Variants in CYP4F12 observed in about 807,000 individuals in gnomAD.
CYP4F12 encodes cytochrome P450 4F12.
Under a neutral mutation model 56.5 loss-of-function variants are expected in CYP4F12, and 60 were observed. The observed-to-expected ratio is 1.06, with a 90% CI of 0.86 to 1.32. The LOEUF (loss-of-function observed/expected upper bound fraction) is 1.32. CYP4F12 is among the 40% of genes most tolerant of loss of function. CYP4F12 has a pLI of 0.00. For synonymous variants in CYP4F12, 263 were observed against 264.9 expected, an observed-to-expected ratio of 0.99 and a Z score of 0.07; for missense variants, 711 against 683.5, an observed-to-expected ratio of 1.04 and a Z score of -0.45.
intron 9 of CYP4F12, among the ~76,000 whole-genome samples, chr19:15,687,985 G>A (rs916464985): frequency 3.3e-5 from 5 of 152,182 alleles, no homozygotes; most frequent in Non-Finnish European, 7.4e-5. Flanking sequence ...CAGAACCCGG[G>A]AGGCAAGCAG....
intron 3 of CYP4F12, 74 bp downstream of exon 3, chr19:15,678,479 CCTT>C: frequency 1.3e-6 from 2 of 1,570,246 alleles, no homozygotes; most frequent in South Asian, 2.3e-5. Flanking sequence ...CCACGTCCCT[CCTT>C]GAGTACTCGT....
intron 6 of CYP4F12, among the ~76,000 whole-genome samples, chr19:15,682,854 T>C (rs2007379721): frequency 6.6e-6 from 1 of 152,186 alleles, no homozygotes. Flanking sequence ...ATGGATGTGA[T>C]AAGAGCTGAG....
At chr19:15,691,583 T>G (rs1010138532) in intron 9 of CYP4F12, among the ~76,000 whole-genome samples, 2 of 152,216 alleles carry the variant, frequency 1.3e-5, no homozygotes, top group Non-Finnish European at 2.9e-5. Flanking sequence ...TTTGCCCAAG[T>G]TGATAAGCCA....
rs1417471773 is a variant in CYP4F12, at chr19:15,690,216, A to T, written c.1115+5019A>T. Among the ~76,000 whole-genome samples, 9 of 152,176 alleles carry T rather than the reference A, an allele frequency of 5.9e-5. 1 individual carries two copies. The East Asian group carries it at 1.7e-3, about 29-fold the overall frequency. On this transcript the variant is annotated intron_variant, in intron 9 of 12. Transcript: ENST00000550308. ...TAGTTCGTTTTTATTTTTAATTGGC[A>T]AATTTTAATTATATATGTTTATGGG...
rs1335580019 is a variant in CYP4F12 at position 15,675,170 on chromosome 19, C to T, written c.198+1443C>T. 5.4e-5 allele frequency among the ~76,000 whole-genome samples: 8 copies of T among 148,146 alleles called. 1 individual carries two copies. In the East Asian group the frequency reaches 1.6e-3, roughly 30 times the overall value. On this transcript the variant is annotated intron_variant, in intron 2 of 12. Coordinates refer to ENST00000550308, the MANE Select transcript of CYP4F12 (RefSeq NM_023944.4). ...CAACCTGGATATAATTTGGCCACTCCCTTCCCCTTTCAGAAGCCGTCCTTG... is the reference window on the plus strand; with the variant it reads ...CAACCTGGATATAATTTGGCCACTCTCTTCCCCTTTCAGAAGCCGTCCTTG...
At chr19:15,684,435 C>T (rs2007489075) in intron 7 of CYP4F12, 1 of 195,446 alleles carries the variant, frequency 5.1e-6, no homozygotes, top group Non-Finnish European at 1.0e-5. Flanking sequence ...TCTAGAATGT[C>T]AGCAAATATT....
At chr19:15,695,274 G>A (rs2008067096) in intron 9 of CYP4F12, among the ~76,000 whole-genome samples, 2 of 145,852 alleles carry the variant, frequency 1.4e-5, no homozygotes, top group Non-Finnish European at 3.0e-5. Context: ...AACACCGCAT[G>A]TTCTCACTCA....
chr19:15,673,785 C>G, intron 2 of CYP4F12, 58 bp downstream of exon 2: 2 of 1,589,344 alleles, frequency 1.3e-6, no homozygotes, highest in South Asian at 1.1e-5. Flanking sequence ...TCCAGAGGAG[C>G]AGGAATGGGG....
In CYP4F12 at chr19:15,680,400, A is replaced by C. The variant is rs138713818; in HGVS notation, c.406A>C (p.Ile136Leu). 4.4e-3 allele frequency: 7,037 copies of C among 1,613,120 alleles called. 41 individuals carry two copies. The African/African-American group carries it at 0.083, about 19-fold the overall frequency. Residue 136 changes from isoleucine to leucine, a missense_variant, in exon 5 of 13, where the codon ATA becomes CTA. By Grantham distance (5) the Ile-to-Leu change is conservative. Transcript: ENST00000550308. ...RFLKPWLGEGILLSGGDKWSR... is the reference protein window; with the variant it reads ...RFLKPWLGEGLLLSGGDKWSR... ...CTTGGCTGCCCTACTAGGAGAAGGG[A>C]TACTGCTGAGTGGCGGTGACAAGTG...
Position 15,697,086 on chromosome 19 carries a change from C to G in CYP4F12, c.*1C>G. 3 of 1,608,246 alleles carry G rather than the reference C, an allele frequency of 1.9e-6. No homozygotes were observed. The highest frequency in any genetic ancestry group is 2.6e-6 in the Non-Finnish European group (3 of 1,175,426). On this transcript the variant is annotated 3_prime_UTR_variant, in exon 13 of 13. Coordinates refer to ENST00000550308, the MANE Select transcript of CYP4F12 (RefSeq NM_023944.4). ...GCCCCTGAATGTAAGCTTGCAGTGACTTTCTGACCCATCCACCTGTTTTTT... is the reference window on the plus strand; with the variant it reads ...GCCCCTGAATGTAAGCTTGCAGTGAGTTTCTGACCCATCCACCTGTTTTTT...
At chr19:15,694,128 C>A (rs1245627268) in intron 9 of CYP4F12, among the ~76,000 whole-genome samples, 1 of 151,544 alleles carries the variant, frequency 6.6e-6, no homozygotes, top group Non-Finnish European at 1.5e-5. Flanking sequence ...AGCATGATGC[C>A]TCCAGCTTTG....
intron 9 of CYP4F12, among the ~76,000 whole-genome samples, chr19:15,691,380 CA>C: frequency 6.6e-6 from 1 of 152,316 alleles, no homozygotes; most frequent in South Asian, 2.1e-4. Context: ...ATTGTTGAAC[CA>C]AAGACCATTT....
chr19:15,685,831 G>C (rs1265018803), intron 9 of CYP4F12, among the ~76,000 whole-genome samples: 2 of 152,232 alleles, frequency 1.3e-5, no homozygotes, highest in African/African-American at 4.8e-5. Flanking sequence ...TTACTCTTCT[G>C]TTCCCTAATT....
At chr19:15,678,689 G>C (rs597616) in intron 3 of CYP4F12, 3 of 365,342 alleles carry the variant, frequency 8.2e-6, no homozygotes, top group Non-Finnish European at 1.5e-5. Flanking sequence ...GCAAGAGAGA[G>C]ATGGGTATGA....
At chr19:15,680,106 C>T in intron 3 of CYP4F12, 138 bp from the exon 4 acceptor site, 2 of 1,125,264 alleles carry the variant, frequency 1.8e-6, no homozygotes, top group South Asian at 3.0e-5. Context: ...CTCTATCCTC[C>T]CTTCGTCCTT....
intron 3 of CYP4F12, 117 bp downstream of exon 3, chr19:15,678,522 C>T: frequency 7.6e-7 from 1 of 1,318,096 alleles, no homozygotes; most frequent in Non-Finnish European, 1.1e-6. Flanking sequence ...TTCTCAATGT[C>T]TTCTCCCTCC....
intron 2 of CYP4F12, among the ~76,000 whole-genome samples, chr19:15,677,128 T>TTCCTCTGCCCACTCACTC (rs1568414014): frequency 1.1e-5 from 1 of 90,266 alleles, no homozygotes; most frequent in African/African-American, 4.0e-5. Flanking sequence ...CACTCATTCA[T>TTCCTCTGCCCACTCACTC]ATCCTCACTC....
intron 3 of CYP4F12, among the ~76,000 whole-genome samples, chr19:15,680,001 T>C (rs529629867): frequency 7.9e-5 from 12 of 152,296 alleles, no homozygotes; most frequent in African/African-American, 2.6e-4. Context: ...TTGGGATATA[T>C]AGGAGCCATG....
At chr19:15,680,559 G>T in intron 5 of CYP4F12, 40 bp downstream of exon 5, 1 of 1,613,842 alleles carries the variant, frequency 6.2e-7, no homozygotes, top group Non-Finnish European at 8.5e-7. Flanking sequence ...GGAGTCTTGG[G>T]GTGGAGGGAC....
Sources: gnomAD v4.1 joint callset for allele counts (sites outside exome capture counted in the v4.1 genomes callset) on GRCh38, gnomAD v4.1.1 for gene constraint, MANE v1.5 for transcripts, NCBI Gene and HGNC (gene_info 2026-07-23, HGNC 2026-07-21) for gene names.